The following NSUN3 variants were observed in gnomAD, a reference collection of about 807,000 sequenced individuals.
NSUN3 encodes NOP2/Sun RNA methyltransferase 3.
A neutral mutation model predicts 36.8 loss-of-function variants in NSUN3; 24 were observed. That is an observed-to-expected ratio of 0.65 (90% confidence interval 0.47 to 0.92). The LOEUF is 0.92. Ranked by LOEUF, NSUN3 falls within the 40% of genes least tolerant of loss-of-function variation. NSUN3 has a pLI of 0.00. For synonymous variants in NSUN3, 146 were observed against 145.2 expected (o/e 1.01, Z -0.04); for missense variants, 381 against 392.8 (o/e 0.97, Z 0.25).
chr3:94,105,699 A>G (rs1409408612), intron 5 of NSUN3, among the ~76,000 whole-genome samples: 3 of 151,960 alleles, frequency 2.0e-5, no homozygotes, highest in Non-Finnish European at 4.4e-5. Flanking sequence ...TTTTCCGGTT[A>G]AGCATGTAGA....
chr3:94,114,081 T>C (rs943255859), intron 5 of NSUN3, among the ~76,000 whole-genome samples: 1 of 152,216 alleles, frequency 6.6e-6, no homozygotes, highest in African/African-American at 2.4e-5. Flanking sequence ...ACCTATTAAT[T>C]CTACTTTCTT....
intron 2 of NSUN3, among the ~76,000 whole-genome samples, chr3:94,069,586 G>T (rs2077217422): frequency 6.6e-6 from 1 of 152,152 alleles, no homozygotes; most frequent in Non-Finnish European, 1.5e-5. Flanking sequence ...GTGGAGAGTA[G>T]AGTAGTAGGA....
At chr3:94,070,534 T>C (rs1355647033) in intron 2 of NSUN3, among the ~76,000 whole-genome samples, 1 of 152,096 alleles carries the variant, frequency 6.6e-6, no homozygotes, top group Non-Finnish European at 1.5e-5. Flanking sequence ...AGAAAGACTT[T>C]TCAAGGGGGT....
chr3:94,076,024 A>G, intron 2 of NSUN3: 2 of 1,608,702 alleles, frequency 1.2e-6, no homozygotes, highest in Non-Finnish European at 1.7e-6. Flanking sequence ...AAATCACCCA[A>G]GGTTCATTGG....
At chr3:94,099,482 A>G (rs757894292) in intron 5 of NSUN3, among the ~76,000 whole-genome samples, 1 of 152,266 alleles carries the variant, frequency 6.6e-6, no homozygotes, top group East Asian at 1.9e-4. Flanking sequence ...GTAGGTTTTC[A>G]TGTAATCATA....
intron 2 of NSUN3, chr3:94,077,117 C>G: frequency 1.3e-6 from 1 of 762,444 alleles, no homozygotes; most frequent in Admixed American, 1.8e-5. Flanking sequence ...ATTTTGTACT[C>G]CTTATGGATC....
intron 5 of NSUN3, among the ~76,000 whole-genome samples, chr3:94,113,485 C>A (rs951743285): frequency 7.2e-5 from 11 of 152,018 alleles, no homozygotes; most frequent in African/African-American, 2.7e-4. Flanking sequence ...GGATAAAGTT[C>A]TAGGGCAGAC....
At chr3:94,066,954 G>A (rs966228325) in intron 2 of NSUN3, among the ~76,000 whole-genome samples, 3 of 152,136 alleles carry the variant, frequency 2.0e-5, no homozygotes, top group African/African-American at 7.2e-5. Flanking sequence ...CTCAGCTCCT[G>A]GGAGGCGATC....
At chr3:94,082,988 C>T (rs559187563) in intron 2 of NSUN3, among the ~76,000 whole-genome samples, 111 of 152,234 alleles carry the variant, frequency 7.3e-4, no homozygotes, top group African/African-American at 2.6e-3. Flanking sequence ...TAATACTTTT[C>T]CCTCTAATAT....
intron 5 of NSUN3, among the ~76,000 whole-genome samples, chr3:94,097,951 A>G (rs988562547): frequency 1.3e-5 from 2 of 152,150 alleles, no homozygotes; most frequent in Non-Finnish European, 2.9e-5. Flanking sequence ...CTTTCTCCTT[A>G]GCCTCAGACC....
chr3:94,099,253 T>C (rs972977547), intron 5 of NSUN3, among the ~76,000 whole-genome samples: 1 of 152,216 alleles, frequency 6.6e-6, no homozygotes, highest in African/African-American at 2.4e-5. Flanking sequence ...AATCATTTAA[T>C]AAGCTTTTCT....
At chr3:94,097,897 A>C (rs1180903917) in intron 5 of NSUN3, among the ~76,000 whole-genome samples, 1 of 152,170 alleles carries the variant, frequency 6.6e-6, no homozygotes, top group African/African-American at 2.4e-5. Flanking sequence ...ATCTCCCAAT[A>C]CATGAGCTTA....
chr3:94,095,931 T>G (rs1337452649), intron 5 of NSUN3, among the ~76,000 whole-genome samples: 10 of 149,854 alleles, frequency 6.7e-5, no homozygotes, highest in African/African-American at 2.2e-4. Flanking sequence ...TTTTTTTTTT[T>G]TGTATTTTTA....
intron 5 of NSUN3, among the ~76,000 whole-genome samples, chr3:94,105,598 G>A (rs1254172009): frequency 4.6e-5 from 7 of 152,006 alleles, no homozygotes; most frequent in South Asian, 2.1e-4. Context: ...CTGTGGAATC[G>A]CTTGAGGAGC....
At chr3:94,071,894 C>T (rs1420151200) in intron 2 of NSUN3, among the ~76,000 whole-genome samples, 1 of 152,192 alleles carries the variant, frequency 6.6e-6, no homozygotes, top group East Asian at 1.9e-4. Context: ...GCCACTTTCC[C>T]TCCAGCCCCA....
chr3:94,108,049 G>A (rs1046442450), intron 5 of NSUN3, among the ~76,000 whole-genome samples: 5 of 145,094 alleles, frequency 3.4e-5, no homozygotes, highest in South Asian at 2.2e-4. Context: ...AAAGTTAGAG[G>A]TTGCTTCAAC....
chr3:94,064,230 A>C, intron 1 of NSUN3: 1 of 557,890 alleles, frequency 1.8e-6, no homozygotes, highest in Non-Finnish European at 3.2e-6. Flanking sequence ...TTTGCTTCAC[A>C]TTTGGAAAAT....
intron 2 of NSUN3, chr3:94,076,983 A>T: frequency 2.1e-6 from 2 of 933,806 alleles, no homozygotes; most frequent in South Asian, 1.3e-5. Flanking sequence ...GGACAAGTCG[A>T]TGAATGCTGA....
At chr3:94,110,901 G>A (rs2077413837) in intron 5 of NSUN3, among the ~76,000 whole-genome samples, 1 of 151,970 alleles carries the variant, frequency 6.6e-6, no homozygotes, top group South Asian at 2.1e-4. Flanking sequence ...CAAGAACTGG[G>A]ATAACCACCC....
Sources: gnomAD v4.1 joint callset for allele counts (sites outside exome capture counted in the v4.1 genomes callset) on GRCh38, gnomAD v4.1.1 for gene constraint, MANE v1.5 for transcripts, NCBI Gene and HGNC (gene_info 2026-07-23, HGNC 2026-07-21) for gene names.